The following MARK4 variants were observed in gnomAD, a reference collection of about 807,000 sequenced individuals.
MARK4 encodes microtubule affinity regulating kinase 4.
A neutral mutation model predicts 81.5 loss-of-function variants in MARK4; 19 were observed. The ratio of observed to expected loss-of-function variants is 0.23; its 90% CI spans 0.16 to 0.34. MARK4 has a LOEUF of 0.34. MARK4 is among the 10% of genes least tolerant of loss of function. The pLI is 1.00. For synonymous variants in MARK4, 436 were observed against 439.0 expected, an observed-to-expected ratio of 0.99 and a Z score of 0.08; for missense variants, 772 against 1,058.8, an observed-to-expected ratio of 0.73 and a Z score of 3.76.
rs1358052076 is a variant in MARK4, at chr19:45,302,563, C to T, written c.2112C>T (p.Gly704=). 3.2e-6 allele frequency: 5 copies of T among 1,576,228 alleles called. No individual in the cohort carries two copies. Among genetic ancestry groups the T allele is most frequent in the Non-Finnish European group, 3.4e-6 (4 of 1,169,002 alleles). The change falls in exon 17 of 17, where the codon GGC becomes GGT. Residue 704 remains glycine (G), a synonymous_variant. Transcript: ENST00000262891. The surrounding 1 kb of genome is among the most constrained non-coding windows in gnomAD (Gnocchi z 4.9). ...TGGCCTGCCTGCACGGGGGTGCGGG[C>T]GGGCCCGAGCCCCTGTCCCACTTCG... The part of the protein sequence containing the change: ...FLLACLHGGA[G]GPEPLSHFEV...
At position 45,266,214 on chromosome 19, in the gene MARK4, T is replaced by C. The variant is rs2123043693; in HGVS notation, c.493-11T>C. The C allele has an allele frequency of 1.2e-6, 2 of 1,613,720 alleles. No individual in the cohort carries two copies. The highest frequency in any genetic ancestry group is 1.7e-6 in the Non-Finnish European group (2 of 1,179,714). On this transcript the variant is annotated splice_polypyrimidine_tract_variant and intron_variant, in intron 6 of 16. Coordinates refer to ENST00000262891, the MANE Select transcript of MARK4 (RefSeq NM_001199867.2). ...GAGCCACAAATAACCAACCTTCCCCTTCCCTCCCAGATTGTTTCGGCTGTG... is the reference window on the plus strand; with the variant it reads ...GAGCCACAAATAACCAACCTTCCCCCTCCCTCCCAGATTGTTTCGGCTGTG...
At chr19:45,301,883 GAAAAGGA>G (rs1970979705) in intron 16 of MARK4, among the ~76,000 whole-genome samples, 1 of 124,888 alleles carries the variant, frequency 8.0e-6, no homozygotes, top group African/African-American at 3.0e-5. Context: ...AAAAAAAAAA[GAAAAGGA>G]AAAAGAAATT....
At chr19:45,294,206 C>T (rs1405396995) in intron 13 of MARK4, 143 bp from the exon 14 acceptor site, 3 of 714,492 alleles carry the variant, frequency 4.2e-6, no homozygotes, top group African/African-American at 1.8e-5. Flanking sequence ...ATCTTTGGGA[C>T]CTTTCACCAT....
In MARK4 at chr19:45,302,371, C is replaced by G; in HGVS notation, c.1923-3C>G. On this transcript the variant is annotated splice_region_variant and splice_polypyrimidine_tract_variant and intron_variant, in intron 16 of 16. Transcript: ENST00000262891. The surrounding 1 kb of genome is among the most constrained non-coding windows in gnomAD (Gnocchi z 4.9). ...TCTGACCCCTGACATCTTCTCGCCT[C>G]AGTTGCCATCTACCTTGGGATCAAA... 6.2e-7 allele frequency: 1 copy of G among 1,614,140 alleles called. No individual in the cohort carries two copies. The highest frequency in any genetic ancestry group is 8.5e-7 in the Non-Finnish European group (1 of 1,179,966).
At chr19:45,290,704 C>T (rs1970809488) in intron 13 of MARK4, among the ~76,000 whole-genome samples, 1 of 152,212 alleles carries the variant, frequency 6.6e-6, no homozygotes. Context: ...AGGCTTTGAC[C>T]AGCAGTGTCT....
intron 1 of MARK4, chr19:45,258,765 G>A (rs1970342461): frequency 9.0e-6 from 5 of 557,760 alleles, no homozygotes; most frequent in Non-Finnish European, 1.6e-5. Flanking sequence ...AAGAAGGGGT[G>A]TGATGCCTGG....
At chr19:45,264,591 G>T in intron 4 of MARK4, 93 bp from the exon 5 acceptor site, 1 of 1,166,910 alleles carries the variant, frequency 8.6e-7, no homozygotes, top group Non-Finnish European at 1.3e-6. Flanking sequence ...TTGGGGTGGG[G>T]GTGTTATGGT....
intron 6 of MARK4, 115 bp from the exon 7 acceptor site, chr19:45,266,110 C>T: frequency 1.9e-6 from 2 of 1,046,666 alleles, no homozygotes; most frequent in South Asian, 2.6e-5. Context: ...GGCCCCAGAT[C>T]TCAGGCTGTG....
chr19:45,264,627 A>G, intron 4 of MARK4, 57 bp from the exon 5 acceptor site: 1 of 1,533,302 alleles, frequency 6.5e-7, no homozygotes, highest in Non-Finnish European at 9.0e-7. Context: ...GTTACTGAGG[A>G]CAGGTTAGGA....
Position 45,251,429 on chromosome 19 carries a change from C to T in MARK4, c.-160C>T. On this transcript the variant is annotated 5_prime_UTR_variant, in exon 1 of 17. Transcript: ENST00000262891. ...GGACCCTCGGCGTCCCTTCCCCTCC[C>T]CCGCCCTGCCCCCTCTCCCGCCGCG... The T allele has an allele frequency of 2.1e-6, 1 of 487,628 alleles. No homozygotes were observed. Among genetic ancestry groups the T allele is most frequent in the Non-Finnish European group, 3.6e-6 (1 of 277,990 alleles). The allele number at this position is 487,628 out of a possible 1,614,324, so 30.2% of individuals were successfully genotyped here.
At chr19:45,287,358 G>A (rs531739312) in intron 12 of MARK4, 89 bp from the exon 13 acceptor site, 13 of 903,222 alleles carry the variant, frequency 1.4e-5, no homozygotes, top group Middle Eastern at 3.5e-4. Flanking sequence ...TGCAACCCAC[G>A]TGAGGAATTC....
At chr19:45,301,923 T>C (rs1357879223) in intron 16 of MARK4, among the ~76,000 whole-genome samples, 1 of 151,716 alleles carries the variant, frequency 6.6e-6, no homozygotes, top group Non-Finnish European at 1.5e-5. Context: ...ATTCAAACCA[T>C]GTGGCCAAGC....
At chr19:45,256,423 G>C (rs986738522) in intron 1 of MARK4, among the ~76,000 whole-genome samples, 53 of 152,174 alleles carry the variant, frequency 3.5e-4, no homozygotes, top group Non-Finnish European at 5.9e-5. Context: ...GGCAACAAGA[G>C]TGAAACTCTG....
intron 5 of MARK4, 40 bp from the exon 6 acceptor site, chr19:45,264,800 C>T (rs1197348976): frequency 5.6e-6 from 9 of 1,614,078 alleles, no homozygotes; most frequent in Non-Finnish European, 7.6e-6. Context: ...CCCCCTGCCG[C>T]TGCACCTGAC....
rs774304726 is a variant in MARK4, at chr19:45,258,798, G to A, written c.52-191G>A. On this transcript the variant is annotated intron_variant, in intron 1 of 16. Transcript: ENST00000262891. ...TGGGGCCCTGAATGTTGCAGATTTG[G>A]AGGACATGGGGGCTTTTGTTCCTGG... The A allele has an allele frequency of 1.6e-4, 97 of 603,664 alleles. 1 individual carries two copies. The highest frequency in any genetic ancestry group is 2.4e-4 in the Non-Finnish European group (82 of 347,920). 37.4% of individuals were successfully genotyped at this position (603,664 alleles called of 1,614,324 possible).
intron 8 of MARK4, 146 bp from the exon 9 acceptor site, chr19:45,277,777 G>C (rs1470737084): frequency 4.3e-6 from 4 of 922,904 alleles, no homozygotes; most frequent in Non-Finnish European, 6.1e-6. Flanking sequence ...TCAAGGACTG[G>C]GACTCAGAGC....
chr19:45,284,143 G>A (rs371778593), intron 12 of MARK4, among the ~76,000 whole-genome samples: 3 of 151,850 alleles, frequency 2.0e-5, no homozygotes, highest in Admixed American at 1.3e-4. Flanking sequence ...TCAGGCCCCC[G>A]AGCTGGAATT....
Position 45,278,001 on chromosome 19 carries a change from A to C in MARK4, c.865A>C (p.Arg289=). The C allele has an allele frequency of 6.2e-7, 1 of 1,613,796 alleles. No individual in the cohort carries two copies. Among genetic ancestry groups the C allele is most frequent in the Non-Finnish European group, 8.5e-7 (1 of 1,179,938 alleles). Residue 289 remains arginine (R), a synonymous_variant, in exon 9 of 17, where the codon AGA becomes CGA. Coordinates refer to ENST00000262891, the MANE Select transcript of MARK4 (RefSeq NM_001199867.2). ...MSTDCESILR[R]FLVLNPAKRC... is the part of the protein sequence containing the mutation. The stretch of plus-strand genomic sequence containing the variant: ...AACAGACTGTGAGAGCATCCTGCGG[A>C]GATTTTTGGTGCTGAACCCAGCTAA...
At chr19:45,270,756 T>C (rs997698755) in intron 7 of MARK4, among the ~76,000 whole-genome samples, 9 of 151,864 alleles carry the variant, frequency 5.9e-5, no homozygotes, top group African/African-American at 1.9e-4. Context: ...CACACCACCA[T>C]GCCCGGCTAA....
Sources: allele counts gnomAD v4.1 joint callset (sites outside exome capture counted in the v4.1 genomes callset), GRCh38; gene constraint gnomAD v4.1.1; non-coding constraint Gnocchi (gnomAD v3.1); transcripts MANE v1.5; gene names NCBI Gene and HGNC (gene_info 2026-07-23, HGNC 2026-07-21).